The following RELN variants were observed in gnomAD, a reference collection of about 807,000 sequenced individuals.
RELN encodes the protein reelin.
In RELN, 108 loss-of-function variants were observed where a neutral mutation model predicts 427.6. That is an observed-to-expected ratio of 0.25 (90% CI 0.22 to 0.30). RELN has a LOEUF of 0.30. RELN is among the 10% of genes least tolerant of loss of function. The pLI is 1.00. For synonymous variants in RELN, 1,524 were observed against 1,513.4 expected (o/e 1.01, Z -0.16); for missense variants, 3,715 against 4,302.8 (o/e 0.86, Z 3.82).
intron 2 of RELN, among the ~76,000 whole-genome samples, chr7:103,888,266 G>A (rs572380793): frequency 2.0e-5 from 3 of 151,272 alleles, no homozygotes; most frequent in Middle Eastern, 3.2e-3. Context: ...TATATCACCC[G>A]AGAACCTGAA....
Position 103,728,243 on chromosome 7 carries a change from C to A in RELN, c.657-36G>T, listed in dbSNP as rs556288102. On this transcript the variant is annotated intron_variant, in intron 6 of 64. Coordinates refer to ENST00000428762, the MANE Select transcript of RELN (RefSeq NM_005045.4). Reference sequence around the variant, plus strand: ...ACAGAACACAGTCCCCGTCTGAGAACTAAGTAGCACACGTGGTTTACTGCT... The same window carrying A: ...ACAGAACACAGTCCCCGTCTGAGAAATAAGTAGCACACGTGGTTTACTGCT... 5.0e-6 allele frequency: 8 copies of A among 1,588,972 alleles called. No homozygotes were observed. In the East Asian group the frequency reaches 1.3e-4, roughly 27 times the overall value.
chr7:103,533,618 A>G (rs1357480768), intron 46 of RELN, among the ~76,000 whole-genome samples: 6 of 152,182 alleles, frequency 3.9e-5, no homozygotes. Flanking sequence ...AATATAATAA[A>G]CAAACTGCTT....
At chr7:103,723,419 C>T (rs527335326) in intron 7 of RELN, among the ~76,000 whole-genome samples, 26 of 152,084 alleles carry the variant, frequency 1.7e-4, no homozygotes, top group Non-Finnish European at 2.8e-4. Flanking sequence ...GACTTGGAGA[C>T]GGATAGCATA....
chr7:103,671,230 T>C (rs1833385944), intron 11 of RELN, among the ~76,000 whole-genome samples: 1 of 152,202 alleles, frequency 6.6e-6, no homozygotes, highest in African/African-American at 2.4e-5. Flanking sequence ...GTTTTACCTC[T>C]AGCAGAACAG....
chr7:103,490,779 T>C lies in RELN; in HGVS notation c.9494A>G (p.Asn3165Ser). The change falls in exon 59 of 65, where the codon AAC (asparagine) becomes AGC (serine). Residue 3165 changes from asparagine to serine, a missense_variant. Around this residue, in one of 4 missense-constraint regions of RELN, gnomAD observed 1,310 missense variants for 1,643.0 expected, o/e 0.80. Coordinates refer to ENST00000428762, the MANE Select transcript of RELN (RefSeq NM_005045.4). Reference sequence around the variant, plus strand: ...CTGGAAAGGGGAGCAGCCAATGCTGTTAGAAGAGGAAGGAAGGCACTGGGT... The same window carrying C: ...CTGGAAAGGGGAGCAGCCAATGCTGCTAGAAGAGGAAGGAAGGCACTGGGT... ...VQTQCLPSSSNSIGCSPFQFH... is the reference protein window; with the variant it reads ...VQTQCLPSSSSSIGCSPFQFH... The C allele has an allele frequency of 6.2e-7, 1 of 1,614,132 alleles. No individual in the cohort carries two copies. Among genetic ancestry groups the C allele is most frequent in the Non-Finnish European group, 8.5e-7 (1 of 1,180,020 alleles).
rs79922330 is a variant in RELN, at chr7:103,755,832, G to A, written c.545-2618C>T. ...CACCTCAAGAAAAAAAAAAAAAAAA[G>A]ATATCATGATAGTTTACCATGCCTA... On this transcript the variant is annotated intron_variant, in intron 4 of 64. Coordinates refer to ENST00000428762, the MANE Select transcript of RELN (RefSeq NM_005045.4). Among the ~76,000 whole-genome samples, 437 of 85,274 alleles carry A rather than the reference G, an allele frequency of 5.1e-3. 3 individuals are homozygous for A. The highest frequency in any genetic ancestry group is 0.014 in the African/African-American group (294 of 20,936). The allele number at this position is 85,274 out of a possible 152,430, so 55.9% of individuals were successfully genotyped here.
chr7:103,502,638 G>A (rs1176064920), intron 52 of RELN, among the ~76,000 whole-genome samples: 8 of 152,148 alleles, frequency 5.3e-5, no homozygotes, highest in African/African-American at 1.7e-4. Context: ...TGTCTATCAT[G>A]GATTGATAAG....
intron 4 of RELN, among the ~76,000 whole-genome samples, chr7:103,758,142 C>G (rs1190621094): frequency 6.6e-6 from 1 of 152,124 alleles, no homozygotes; most frequent in Non-Finnish European, 1.5e-5. Flanking sequence ...TTCAGAATAA[C>G]CATACATCTC....
chr7:103,588,323 G>A (rs35924895), intron 28 of RELN, among the ~76,000 whole-genome samples: 28,172 of 151,962 alleles, frequency 0.19, 2,694 homozygotes, highest in Middle Eastern at 0.29. Flanking sequence ...TAAAATATTC[G>A]ATCACATGTT....
intron 11 of RELN, among the ~76,000 whole-genome samples, chr7:103,670,079 A>C (rs1303657833): frequency 6.6e-6 from 1 of 152,162 alleles, no homozygotes. Context: ...TATTTTTGTA[A>C]GCAAAAAATA....
intron 1 of RELN, among the ~76,000 whole-genome samples, chr7:103,954,470 A>G (rs1483516934): frequency 2.0e-5 from 3 of 152,104 alleles, no homozygotes; most frequent in African/African-American, 4.8e-5. Flanking sequence ...ACACACATGC[A>G]TAAGTTATTT....
chr7:103,502,321 C>A (rs972552781), intron 52 of RELN, among the ~76,000 whole-genome samples: 1 of 152,106 alleles, frequency 6.6e-6, no homozygotes, highest in East Asian at 1.9e-4. Context: ...GCACTTTATT[C>A]AAAGACTCTT....
At chr7:103,934,863 G>A (rs1225385869) in intron 1 of RELN, among the ~76,000 whole-genome samples, 1 of 152,226 alleles carries the variant, frequency 6.6e-6, no homozygotes, top group Non-Finnish European at 1.5e-5. Flanking sequence ...TGCTCTAGGT[G>A]AGAATCATAG....
intron 1 of RELN, among the ~76,000 whole-genome samples, chr7:103,984,484 T>C (rs916081876): frequency 1.3e-5 from 2 of 152,158 alleles, no homozygotes; most frequent in East Asian, 1.9e-4. Flanking sequence ...TCTGCCAAAA[T>C]GAAATATTTT....
chr7:103,609,828 T>C (rs1435925042), intron 22 of RELN, among the ~76,000 whole-genome samples: 2 of 152,212 alleles, frequency 1.3e-5, no homozygotes, highest in Non-Finnish European at 1.5e-5. Context: ...CAGAATAATA[T>C]AATACTTATC....
At position 103,862,457 on chromosome 7, in the gene RELN, AT is replaced by A. The variant is rs1584307975; in HGVS notation, c.338-28786del. Among the ~76,000 whole-genome samples the A allele has an allele frequency of 2.0e-5, 3 of 146,750 alleles. No individual in the cohort carries two copies. The East Asian group carries it at 5.9e-4, about 29-fold the overall frequency. On this transcript the variant is annotated intron_variant, in intron 2 of 64. Coordinates refer to ENST00000428762, the MANE Select transcript of RELN (RefSeq NM_005045.4). ...TATCTATCTATCTATCTATCTATCT[AT>A]CTATCTATCTTCTCAATCTTTCTCC...
chr7:103,550,601 G>A (rs1309587591), intron 41 of RELN, among the ~76,000 whole-genome samples: 1 of 151,014 alleles, frequency 6.6e-6, no homozygotes, highest in Non-Finnish European at 1.5e-5. Context: ...ATGCCTGGGG[G>A]CAACGTGCTA....
intron 1 of RELN, among the ~76,000 whole-genome samples, chr7:103,930,110 C>T (rs1013569504): frequency 6.6e-6 from 1 of 152,152 alleles, no homozygotes; most frequent in African/African-American, 2.4e-5. Flanking sequence ...AAACAACAGA[C>T]ATTTATTTTT....
chr7:103,497,553 C>T (rs1260612181), intron 55 of RELN, among the ~76,000 whole-genome samples: 1 of 152,164 alleles, frequency 6.6e-6, no homozygotes, highest in Non-Finnish European at 1.5e-5. Flanking sequence ...AATTGTATCA[C>T]TCAAGCTTCA....
Sources: gnomAD v4.1 joint callset for allele counts (sites outside exome capture counted in the v4.1 genomes callset) on GRCh38, gnomAD v4.1.1 for gene constraint, gnomAD v4.1.1 regional missense constraint, MANE v1.5 for transcripts, NCBI Gene and HGNC (gene_info 2026-07-23, HGNC 2026-07-21) for gene names.